Variants in TRAPPC9 observed in about 807,000 individuals in gnomAD.
The protein encoded by TRAPPC9 is trafficking protein particle complex subunit 9.
TRAPPC9 carries 83 observed loss-of-function variants against 124.0 expected under a neutral mutation model. That is an observed-to-expected ratio of 0.67 (90% CI 0.56 to 0.80). The LOEUF is 0.80. Among genes scored for constraint, TRAPPC9 ranks in the 30% least tolerant of loss-of-function variants. The pLI is 0.00. For synonymous variants in TRAPPC9, 638 were observed against 617.5 expected (o/e 1.03, Z -0.49); for missense variants, 1,302 against 1,508.3 (o/e 0.86, Z 2.27).
intron 17 of TRAPPC9, among the ~76,000 whole-genome samples, chr8:140,045,290 G>A (rs763280669): frequency 8.5e-5 from 13 of 152,088 alleles, no homozygotes; most frequent in African/African-American, 1.2e-4. Context: ...TGCCTGCTGC[G>A]GGCTGTGAGC....
At chr8:140,332,388 T>G (rs1180992391) in intron 9 of TRAPPC9, among the ~76,000 whole-genome samples, 1 of 152,064 alleles carries the variant, frequency 6.6e-6, no homozygotes, top group Non-Finnish European at 1.5e-5. Context: ...AAGAATAAAT[T>G]CAAGTGTCCT....
At chr8:139,950,076 G>A (rs1317900117) in intron 19 of TRAPPC9, among the ~76,000 whole-genome samples, 2 of 152,224 alleles carry the variant, frequency 1.3e-5, no homozygotes. Context: ...GCACCCCCTA[G>A]AAAGTTTTTG....
intron 9 of TRAPPC9, among the ~76,000 whole-genome samples, chr8:140,343,967 C>A (rs1050117473): frequency 5.3e-5 from 8 of 151,960 alleles, no homozygotes; most frequent in Non-Finnish European, 8.8e-5. Flanking sequence ...GTGGAGGGAA[C>A]GGTGGAAATG....
intron 17 of TRAPPC9, among the ~76,000 whole-genome samples, chr8:140,217,270 GC>G (rs1210520162): frequency 3.9e-5 from 6 of 152,188 alleles, no homozygotes. Flanking sequence ...CGATGGCCAG[GC>G]AAAACAAGGA....
At chr8:139,955,734 G>A (rs889612670) in intron 19 of TRAPPC9, among the ~76,000 whole-genome samples, 13 of 152,148 alleles carry the variant, frequency 8.5e-5, no homozygotes, top group Admixed American at 8.5e-4. Context: ...GCCAGCTACC[G>A]ACCAGACTCA....
rs117046617 is a variant in TRAPPC9 at position 140,346,999 on chromosome 8, G to A, written c.1495+13051C>T. ...AGAGGCACGGGGTAGCATCGGTTCCGGGGCCCAGGGCAGGACACACACCCA... is the reference window on the plus strand; with the variant it reads ...AGAGGCACGGGGTAGCATCGGTTCCAGGGCCCAGGGCAGGACACACACCCA... On this transcript the variant is annotated intron_variant, in intron 9 of 22. Transcript: ENST00000438773. Among the ~76,000 whole-genome samples, 583 of 152,248 alleles carry A rather than the reference G, an allele frequency of 3.8e-3. 2 individuals are homozygous for A. The highest frequency in any genetic ancestry group is 7.3e-3 in the Admixed American group (111 of 15,294).
chr8:140,266,807 C>A (rs761801676), intron 15 of TRAPPC9, among the ~76,000 whole-genome samples: 2 of 151,998 alleles, frequency 1.3e-5, no homozygotes, highest in African/African-American at 2.4e-5. Flanking sequence ...TTGCAGTGAG[C>A]CGAGATCGCG....
intron 19 of TRAPPC9, among the ~76,000 whole-genome samples, chr8:139,944,982 G>A (rs572700506): frequency 5.6e-4 from 85 of 152,198 alleles, no homozygotes; most frequent in African/African-American, 1.8e-3. Context: ...AAATTAGCTG[G>A]GTGTGGTGGC....
chr8:140,147,297 G>A (rs1422952754), intron 17 of TRAPPC9, among the ~76,000 whole-genome samples: 4 of 152,144 alleles, frequency 2.6e-5, no homozygotes, highest in Admixed American at 6.5e-5. Flanking sequence ...CTCTCCTCTG[G>A]GTCAACCCTA....
At chr8:140,390,435 C>T (rs1226632657) in intron 7 of TRAPPC9, among the ~76,000 whole-genome samples, 1 of 152,222 alleles carries the variant, frequency 6.6e-6, no homozygotes, top group Admixed American at 6.5e-5. Flanking sequence ...ATTCTCAATG[C>T]CTTCCTGGGT....
At chr8:139,863,531 G>A (rs1438208447) in intron 21 of TRAPPC9, among the ~76,000 whole-genome samples, 3 of 152,246 alleles carry the variant, frequency 2.0e-5, no homozygotes, top group Non-Finnish European at 4.4e-5. Flanking sequence ...AACAGGTCAG[G>A]CTCGGGACCC....
intron 16 of TRAPPC9, among the ~76,000 whole-genome samples, chr8:140,245,464 GGTGTGTGT>G (rs35366571): frequency 2.0e-5 from 3 of 150,212 alleles, no homozygotes; most frequent in Non-Finnish European, 4.5e-5. Flanking sequence ...TTTGTTTTGT[GGTGTGTGT>G]GTGTGTGTGT....
At chr8:140,262,644 G>T (rs2064463535) in intron 15 of TRAPPC9, 1 of 152,164 alleles carries the variant, frequency 6.6e-6, no homozygotes, top group Admixed American at 6.5e-5. Flanking sequence ...AATACAGGAT[G>T]TGCAGTCGGA....
At chr8:139,781,150 A>G (rs142049498) in intron 21 of TRAPPC9, among the ~76,000 whole-genome samples, 57 of 152,274 alleles carry the variant, frequency 3.7e-4, no homozygotes, top group African/African-American at 1.3e-3. Context: ...TCTAGCAGTC[A>G]CACTTCTCGG....
rs573616208 is a variant in TRAPPC9 at position 140,233,919 on chromosome 8, A to G, written c.2432-12336T>C. Among the ~76,000 whole-genome samples, 4 of 152,240 alleles carry G rather than the reference A, an allele frequency of 2.6e-5. No homozygotes were observed. In the East Asian group the frequency reaches 7.7e-4, roughly 29 times the overall value. On this transcript the variant is annotated intron_variant, in intron 16 of 22. Transcript: ENST00000438773. ...TCACAGCATCACATATTCTGTACCT[A>G]GCATTTAGCAGTTATAATTTTTCAT...
intron 19 of TRAPPC9, among the ~76,000 whole-genome samples, chr8:139,981,970 C>T (rs563933924): frequency 2.0e-5 from 3 of 152,208 alleles, no homozygotes; most frequent in South Asian, 2.1e-4. Flanking sequence ...CTGCAGCAAG[C>T]GAGGGGGACA....
intron 17 of TRAPPC9, among the ~76,000 whole-genome samples, chr8:140,215,331 A>G (rs2063164548): frequency 6.6e-6 from 1 of 152,188 alleles, no homozygotes; most frequent in African/African-American, 2.4e-5. Context: ...CCACAGGATG[A>G]AGATTATTAG....
intron 14 of TRAPPC9, 128 bp downstream of exon 14, chr8:140,283,761 C>G: frequency 1.0e-6 from 1 of 993,856 alleles, no homozygotes; most frequent in South Asian, 1.4e-5. Context: ...GCTTATCTTA[C>G]AGAAATCCTT....
chr8:140,054,518 A>T (rs1171088259), intron 17 of TRAPPC9, among the ~76,000 whole-genome samples: 1 of 152,216 alleles, frequency 6.6e-6, no homozygotes, highest in Non-Finnish European at 1.5e-5. Context: ...GAAAAAAACA[A>T]ACTATGCCCA....
Sources: gnomAD v4.1 joint callset for allele counts (sites outside exome capture counted in the v4.1 genomes callset) on GRCh38, gnomAD v4.1.1 for gene constraint, MANE v1.5 for transcripts, NCBI Gene and HGNC (gene_info 2026-07-23, HGNC 2026-07-21) for gene names.